The following DGKG variants were observed in gnomAD, a reference collection of about 807,000 sequenced individuals.
DGKG encodes diacylglycerol kinase gamma, also known as DAG kinase gamma.
In DGKG, 78 loss-of-function variants were observed where a neutral mutation model predicts 105.3. The observed-to-expected ratio is 0.74, with a 90% CI of 0.62 to 0.89. The LOEUF is 0.89. Ranked by LOEUF, DGKG falls within the 40% of genes least tolerant of loss-of-function variation. DGKG has a pLI of 0.00. For synonymous variants in DGKG, 346 were observed against 367.1 expected (o/e 0.94, Z 0.66); for missense variants, 958 against 1,020.1 (o/e 0.94, Z 0.83).
chr3:186,213,623 C>G (rs1719141924), intron 20 of DGKG, among the ~76,000 whole-genome samples: 1 of 152,148 alleles, frequency 6.6e-6, no homozygotes, highest in Non-Finnish European at 1.5e-5. Context: ...GAGACTATGC[C>G]TGTGGTTCTC....
chr3:186,361,508 G>A lies in DGKG; in HGVS notation c.-249+438C>T, dbSNP rs1044379095. Among the ~76,000 whole-genome samples, 2 of 152,202 alleles carry A rather than the reference G, an allele frequency of 1.3e-5. No homozygotes were observed. The highest frequency in any genetic ancestry group is 4.8e-5 in the African/African-American group (2 of 41,450). ...TGCCCCCAAAGTCCTAGAACCCCGC[G>A]GGACGGTCGGAGGCTTTGGCGGCCA... On this transcript the variant is annotated intron_variant, in intron 1 of 24. Transcript: ENST00000265022. The surrounding 1 kb of genome is among the most constrained non-coding windows in gnomAD (Gnocchi z 6.8).
chr3:186,329,410 A>G (rs1454480562), intron 1 of DGKG, among the ~76,000 whole-genome samples: 2 of 152,204 alleles, frequency 1.3e-5, no homozygotes, highest in East Asian at 1.9e-4. Context: ...GGCAAATTCA[A>G]TGAGTATTGA....
intron 1 of DGKG, among the ~76,000 whole-genome samples, chr3:186,343,843 T>C (rs1312492570): frequency 6.6e-6 from 1 of 152,216 alleles, no homozygotes; most frequent in Non-Finnish European, 1.5e-5. Flanking sequence ...TTTTGTCTTT[T>C]TTTCACTTAG....
chr3:186,265,963 C>T (rs1301942732), intron 13 of DGKG, among the ~76,000 whole-genome samples: 3 of 152,056 alleles, frequency 2.0e-5, no homozygotes, highest in Non-Finnish European at 4.4e-5. Flanking sequence ...AGCCACTGCG[C>T]CTGGCCGTCG....
intron 3 of DGKG, among the ~76,000 whole-genome samples, chr3:186,298,547 G>A (rs2108614456): frequency 6.6e-6 from 1 of 152,350 alleles, no homozygotes; most frequent in African/African-American, 2.4e-5. Flanking sequence ...ACATGTTGGA[G>A]AGTGAGCCTT....
At chr3:186,274,996 T>C (rs946985248) in intron 10 of DGKG, among the ~76,000 whole-genome samples, 18 of 152,182 alleles carry the variant, frequency 1.2e-4, no homozygotes, top group African/African-American at 4.1e-4. Context: ...TAGTTTACAG[T>C]CCCACCAACA....
At position 186,298,145 on chromosome 3, in the gene DGKG, G is replaced by C. The variant is rs1408617770; in HGVS notation, c.229C>G (p.Leu77Val). Reference sequence around the variant, plus strand: ...TGTCTGGGCTTCTGGCTGAAGGCCAGGAAGAGGTGAGTGCTCAGTGGCTGG... The same window carrying C: ...TGTCTGGGCTTCTGGCTGAAGGCCACGAAGAGGTGAGTGCTCAGTGGCTGG... Reference protein sequence around the residue: ...LPQPLSTHLFLAFSQKPRHET... With the variant: ...LPQPLSTHLFVAFSQKPRHET... The change falls in exon 4 of 25, where the codon CTG (leucine) becomes GTG (valine). Residue 77 changes from leucine (L) to valine (V), a missense_variant. Leu to Val is a conservative substitution (Grantham distance 32). Around this residue, in one of 2 missense-constraint regions of DGKG, gnomAD observed 643 missense variants for 619.5 expected, o/e 1.04. Coordinates refer to ENST00000265022, the MANE Select transcript of DGKG (RefSeq NM_001346.3). 6.2e-7 allele frequency: 1 copy of C among 1,614,202 alleles called. No homozygotes were observed. Among genetic ancestry groups the C allele is most frequent in the African/African-American group, 1.3e-5 (1 of 75,070 alleles).
chr3:186,202,183 TTGC>T (rs1172987025), intron 21 of DGKG, among the ~76,000 whole-genome samples: 2 of 152,258 alleles, frequency 1.3e-5, no homozygotes, highest in African/African-American at 4.8e-5. Context: ...ACTCAGTAAG[TTGC>T]TGCTATTGTT....
intron 21 of DGKG, among the ~76,000 whole-genome samples, chr3:186,198,841 G>A (rs13323508): frequency 2.9e-4 from 44 of 152,344 alleles, no homozygotes; most frequent in African/African-American, 9.9e-4. Context: ...TCTGTTTTCC[G>A]CAGAGAAAAA....
In DGKG at chr3:186,149,346, C is replaced by A; in HGVS notation, c.*744G>T. On this transcript the variant is annotated 3_prime_UTR_variant, in exon 25 of 25. Transcript: ENST00000265022. ...GTTCACAGAACTAAGAAAATAAATA[C>A]CACATCTAAGGTGTGCTATGCAGGC... 1.0e-6 allele frequency: 1 copy of A among 985,298 alleles called. No individual in the cohort carries two copies. Among genetic ancestry groups the A allele is most frequent in the Non-Finnish European group, 1.2e-6 (1 of 829,922 alleles). 61.0% of individuals were successfully genotyped at this position (985,298 alleles called of 1,614,324 possible).
Position 186,242,703 on chromosome 3 carries a change from G to A in DGKG, c.1762-135C>T, listed in dbSNP as rs927084006. On this transcript the variant is annotated intron_variant, in intron 19 of 24. Coordinates refer to ENST00000265022, the MANE Select transcript of DGKG (RefSeq NM_001346.3). The stretch of plus-strand genomic sequence containing the variant: ...TATCTATCGCATGGTGGGGCTCCAG[G>A]TCACATCCGCGGAGCCAACAGAGGC... The A allele has an allele frequency of 1.0e-5, 7 of 672,966 alleles. No homozygotes were observed. In the African/African-American group the frequency reaches 1.3e-4, roughly 12 times the overall value. 41.7% of individuals were successfully genotyped at this position (672,966 alleles called of 1,614,324 possible).
chr3:186,315,083 G>A (rs2300704), intron 2 of DGKG, among the ~76,000 whole-genome samples: 87,935 of 151,920 alleles, frequency 0.58, 26,104 homozygotes, highest in Middle Eastern at 0.67. Flanking sequence ...AAGTATTGGA[G>A]GAGCTAATGA....
At chr3:186,307,230 G>A (rs1248988100) in intron 2 of DGKG, among the ~76,000 whole-genome samples, 2 of 152,098 alleles carry the variant, frequency 1.3e-5, no homozygotes, top group African/African-American at 4.8e-5. Context: ...CCATTCAAGG[G>A]CTTTCTGTTC....
intron 1 of DGKG, among the ~76,000 whole-genome samples, chr3:186,356,942 C>A (rs1170758135): frequency 1.3e-5 from 2 of 152,174 alleles, no homozygotes; most frequent in Admixed American, 6.5e-5. Flanking sequence ...TCCACCAACT[C>A]CCATCAGTAG....
At chr3:186,302,621 C>CCTATATCTATAT (rs58362317) in intron 3 of DGKG, among the ~76,000 whole-genome samples, 1,421 of 139,532 alleles carry the variant, frequency 0.01, 32 homozygotes, top group Admixed American at 0.045. Flanking sequence ...TGTGTATATA[C>CCTATATCTATAT]CTATATCTAT....
At chr3:186,353,073 C>T (rs560908976) in intron 1 of DGKG, among the ~76,000 whole-genome samples, 1 of 152,294 alleles carries the variant, frequency 6.6e-6, no homozygotes, top group Admixed American at 6.5e-5. Context: ...TACATGGTTC[C>T]CTTTACCTAG....
chr3:186,214,208 C>G (rs935760845), intron 20 of DGKG, among the ~76,000 whole-genome samples: 1 of 152,204 alleles, frequency 6.6e-6, no homozygotes, highest in Non-Finnish European at 1.5e-5. Flanking sequence ...CTGAGAAGAT[C>G]AAACGGACTA....
intron 2 of DGKG, among the ~76,000 whole-genome samples, chr3:186,319,734 A>AC (rs11445757): frequency 0.068 from 10,285 of 152,224 alleles, 1,146 homozygotes; most frequent in African/African-American, 0.23. Flanking sequence ...CTGAGGGGAC[A>AC]AGCCATGGGC....
At chr3:186,171,938 C>A (rs1486589485) in intron 22 of DGKG, among the ~76,000 whole-genome samples, 1 of 152,046 alleles carries the variant, frequency 6.6e-6, no homozygotes, top group African/African-American at 2.4e-5. Flanking sequence ...TCACTGCAAC[C>A]TCTGCCTCCC....
Sources: allele counts gnomAD v4.1 joint callset (sites outside exome capture counted in the v4.1 genomes callset), GRCh38; gene constraint gnomAD v4.1.1; regional missense constraint gnomAD v4.1.1; non-coding constraint Gnocchi (gnomAD v3.1); transcripts MANE v1.5; gene names NCBI Gene and HGNC (gene_info 2026-07-23, HGNC 2026-07-21).